The following TMEM131 variants were observed in gnomAD, a reference collection of about 807,000 sequenced individuals.
The protein encoded by TMEM131 is transmembrane protein 131.
A neutral mutation model predicts 211.6 loss-of-function variants in TMEM131; 66 were observed. The ratio of observed to expected loss-of-function variants is 0.31; its 90% CI spans 0.26 to 0.38. The LOEUF (loss-of-function observed/expected upper bound fraction) is 0.38. Ranked by LOEUF, TMEM131 falls within the 10% of genes least tolerant of loss-of-function variation. TMEM131 has a pLI of 1.00. For missense variants in TMEM131, 2,036 were observed against 2,299.3 expected, an observed-to-expected ratio of 0.89 and a Z score of 2.34; for synonymous variants, 844 against 841.3, an observed-to-expected ratio of 1.00 and a Z score of -0.06.
At chr2:97,825,123 T>C (rs1682314069) in intron 11 of TMEM131, among the ~76,000 whole-genome samples, 1 of 152,186 alleles carries the variant, frequency 6.6e-6, no homozygotes, top group Admixed American at 6.5e-5. Context: ...TGGACGGTCT[T>C]ATGCCAAGGG....
At chr2:97,782,032 T>A (rs944151165) in intron 31 of TMEM131, among the ~76,000 whole-genome samples, 6 of 152,224 alleles carry the variant, frequency 3.9e-5, no homozygotes, top group Non-Finnish European at 8.8e-5. Flanking sequence ...GCGATGGTGC[T>A]ATCAGGGAGG....
intron 7 of TMEM131, among the ~76,000 whole-genome samples, chr2:97,838,513 C>T (rs1029649371): frequency 7.6e-6 from 1 of 131,724 alleles, no homozygotes; most frequent in Non-Finnish European, 1.5e-5. Flanking sequence ...GGTGTGATCT[C>T]GGCTCACTGC....
intron 4 of TMEM131, among the ~76,000 whole-genome samples, chr2:97,881,827 C>G (rs1048847339): frequency 6.6e-6 from 1 of 151,054 alleles, no homozygotes; most frequent in Non-Finnish European, 1.5e-5. Flanking sequence ...TAATAACATT[C>G]ATGTTAAAAA....
intron 32 of TMEM131, among the ~76,000 whole-genome samples, chr2:97,775,092 G>C (rs548246030): frequency 3.3e-5 from 5 of 152,250 alleles, no homozygotes; most frequent in Admixed American, 6.5e-5. Context: ...GTTTAGATTT[G>C]AAATCCATTT....
chr2:97,799,112 C>T (rs574581849), intron 25 of TMEM131, among the ~76,000 whole-genome samples: 4 of 152,028 alleles, frequency 2.6e-5, no homozygotes, highest in Admixed American at 6.5e-5. Context: ...ATAATAATAC[C>T]GATAGACGTT....
chr2:97,841,804 C>A lies in TMEM131; in HGVS notation c.723+11G>T. Reference sequence around the variant, plus strand: ...AATGAAGCTTATTCAAAATTACCATCATAAACTCACCTGTAAAGGCTCACT... The same window carrying A: ...AATGAAGCTTATTCAAAATTACCATAATAAACTCACCTGTAAAGGCTCACT... On this transcript the variant is annotated intron_variant, in intron 7 of 40. Coordinates refer to ENST00000186436, the MANE Select transcript of TMEM131 (RefSeq NM_015348.2). 6.4e-7 allele frequency: 1 copy of A among 1,567,410 alleles called. No homozygotes were observed. The highest frequency in any genetic ancestry group is 8.6e-7 in the Non-Finnish European group (1 of 1,157,516).
chr2:97,926,815 C>T (rs531583890), intron 2 of TMEM131, among the ~76,000 whole-genome samples: 4 of 152,258 alleles, frequency 2.6e-5, no homozygotes, highest in Admixed American at 1.3e-4. Flanking sequence ...CAACCTGCAA[C>T]CTAGATGTCC....
intron 4 of TMEM131, among the ~76,000 whole-genome samples, chr2:97,862,435 C>T (rs894068215): frequency 5.9e-5 from 9 of 151,882 alleles, no homozygotes; most frequent in South Asian, 2.1e-4. Context: ...ACCTTCCAGA[C>T]GGACAATTCA....
At chr2:97,941,201 C>G (rs534256592) in intron 1 of TMEM131, among the ~76,000 whole-genome samples, 19 of 152,174 alleles carry the variant, frequency 1.2e-4, no homozygotes, top group African/African-American at 4.6e-4. Context: ...TTTGACAAAC[C>G]TGACAAAAAC....
At chr2:97,826,798 C>T (rs981547206) in intron 11 of TMEM131, among the ~76,000 whole-genome samples, 7 of 152,180 alleles carry the variant, frequency 4.6e-5, no homozygotes, top group Non-Finnish European at 8.8e-5. Flanking sequence ...TGAAGGTCTT[C>T]TCTGTAACCC....
At chr2:97,911,995 C>T (rs546689155) in intron 2 of TMEM131, among the ~76,000 whole-genome samples, 2 of 152,028 alleles carry the variant, frequency 1.3e-5, no homozygotes, top group Non-Finnish European at 2.9e-5. Context: ...TACAGTGAGA[C>T]TAAATAAGAT....
chr2:97,953,983 TA>T (rs1678444668), intron 1 of TMEM131, among the ~76,000 whole-genome samples: 1 of 151,858 alleles, frequency 6.6e-6, no homozygotes, highest in Admixed American at 6.6e-5. Context: ...TATACGTAAA[TA>T]AAAATAAAAA....
intron 19 of TMEM131, among the ~76,000 whole-genome samples, chr2:97,806,591 A>T (rs560109797): frequency 3.4e-4 from 51 of 152,094 alleles, no homozygotes; most frequent in Non-Finnish European, 6.6e-4. Flanking sequence ...CTGTTAAATA[A>T]CCAGCAATTG....
At chr2:97,810,883 T>C (rs1681516697) in intron 18 of TMEM131, among the ~76,000 whole-genome samples, 1 of 152,220 alleles carries the variant, frequency 6.6e-6, no homozygotes, top group Non-Finnish European at 1.5e-5. Context: ...ACAAAGCAAT[T>C]CTAAACGTGC....
intron 2 of TMEM131, among the ~76,000 whole-genome samples, chr2:97,923,678 A>G (rs1277374044): frequency 1.3e-5 from 2 of 151,124 alleles, no homozygotes; most frequent in Non-Finnish European, 2.9e-5. Context: ...TGTGTTTTCA[A>G]CTCACAAACA....
At chr2:97,964,641 A>C (rs1335424873) in intron 1 of TMEM131, among the ~76,000 whole-genome samples, 1 of 152,246 alleles carries the variant, frequency 6.6e-6, no homozygotes, top group African/African-American at 2.4e-5. Context: ...TTACTCCCAG[A>C]CAGAAAAACA....
chr2:97,805,989 G>A (rs1336278748), intron 19 of TMEM131, among the ~76,000 whole-genome samples: 1 of 152,156 alleles, frequency 6.6e-6, no homozygotes, highest in African/African-American at 2.4e-5. Context: ...TTAAGATACT[G>A]AGGATGCCAA....
Position 97,822,278 on chromosome 2 carries a change from T to C in TMEM131, c.1075-3557A>G, listed in dbSNP as rs562605542. 6.2e-4 allele frequency among the ~76,000 whole-genome samples: 95 copies of C among 152,292 alleles called. 1 individual carries two copies. Among genetic ancestry groups the C allele is most frequent in the Non-Finnish European group, 9.3e-4 (63 of 68,024 alleles). On this transcript the variant is annotated intron_variant, in intron 11 of 40. Coordinates refer to ENST00000186436, the MANE Select transcript of TMEM131 (RefSeq NM_015348.2). ...CCCCTTCGAGGGCAGGGGGACTACC[T>C]GGAATTTTAGGATCCCTCCTCAGAC...
At chr2:97,830,885 G>C (rs1391863897) in intron 11 of TMEM131, among the ~76,000 whole-genome samples, 1 of 152,210 alleles carries the variant, frequency 6.6e-6, no homozygotes, top group Non-Finnish European at 1.5e-5. Flanking sequence ...TTAAAAAAAA[G>C]ATCTCCAGCT....
Sources: allele counts gnomAD v4.1 joint callset (sites outside exome capture counted in the v4.1 genomes callset), GRCh38; gene constraint gnomAD v4.1.1; transcripts MANE v1.5; gene names NCBI Gene and HGNC (gene_info 2026-07-23, HGNC 2026-07-21).